The following ITGAM variants were observed in gnomAD, a reference collection of about 807,000 sequenced individuals.
The protein encoded by ITGAM is integrin alpha-M.
A neutral mutation model predicts 137.5 loss-of-function variants in ITGAM; 79 were observed. The ratio of observed to expected loss-of-function variants is 0.57; its 90% CI spans 0.48 to 0.69. The LOEUF is 0.69. ITGAM is among the 30% of genes least tolerant of loss of function. ITGAM has a pLI of 0.00. For missense variants in ITGAM, 1,343 were observed against 1,483.5 expected, an observed-to-expected ratio of 0.91 and a Z score of 1.56; for synonymous variants, 583 against 592.3, an observed-to-expected ratio of 0.98 and a Z score of 0.23.
chr16:31,308,091 A>C (rs997157594), intron 14 of ITGAM, among the ~76,000 whole-genome samples: 1 of 152,044 alleles, frequency 6.6e-6, no homozygotes, highest in African/African-American at 2.4e-5. Flanking sequence ...TTCATCAAGG[A>C]TATTGGTCTA....
intron 12 of ITGAM, among the ~76,000 whole-genome samples, chr16:31,288,016 G>A (rs1037704535): frequency 3.3e-5 from 5 of 152,092 alleles, no homozygotes; most frequent in African/African-American, 1.2e-4. Flanking sequence ...GGAGTTATGA[G>A]AGCAAATGGG....
intron 7 of ITGAM, 47 bp downstream of exon 7, chr16:31,272,039 T>G: frequency 2.5e-6 from 4 of 1,611,102 alleles, no homozygotes; most frequent in Non-Finnish European, 3.4e-6. Flanking sequence ...GGAGACACTT[T>G]TAGCTGGGCT....
intron 12 of ITGAM, among the ~76,000 whole-genome samples, chr16:31,296,629 A>G (rs2080137346): frequency 6.6e-6 from 1 of 152,090 alleles, no homozygotes; most frequent in South Asian, 2.1e-4. Context: ...TCCCCTGCAC[A>G]TTCCCTTTCT....
intron 21 of ITGAM, among the ~76,000 whole-genome samples, chr16:31,326,548 C>T (rs914045827): frequency 6.6e-6 from 1 of 152,138 alleles, no homozygotes; most frequent in Non-Finnish European, 1.5e-5. Context: ...TCCCAAGTAG[C>T]TGGGGTTACA....
intron 5 of ITGAM, among the ~76,000 whole-genome samples, chr16:31,267,922 G>A (rs897783951): frequency 6.6e-6 from 1 of 152,152 alleles, no homozygotes; most frequent in African/African-American, 2.4e-5. Flanking sequence ...GGGATCACAG[G>A]TGTGAGCCAC....
chr16:31,299,872 C>CT (rs2080180653), intron 14 of ITGAM, among the ~76,000 whole-genome samples: 1 of 140,906 alleles, frequency 7.1e-6, no homozygotes, highest in African/African-American at 2.6e-5. Flanking sequence ...CCTCCTTCTT[C>CT]TTTTTTGACA....
intron 14 of ITGAM, among the ~76,000 whole-genome samples, chr16:31,308,581 C>T (rs1170145838): frequency 6.0e-5 from 9 of 150,596 alleles, no homozygotes; most frequent in South Asian, 2.1e-4. Context: ...ATCAATTTTG[C>T]TGATCTTTTC....
chr16:31,328,839 T>C (rs964688558), intron 23 of ITGAM, among the ~76,000 whole-genome samples: 24 of 151,640 alleles, frequency 1.6e-4, no homozygotes, highest in Non-Finnish European at 3.4e-4. Context: ...CATGGGTGTG[T>C]ATTTGTGCAT....
At chr16:31,313,638 T>C (rs1160708792) in intron 14 of ITGAM, among the ~76,000 whole-genome samples, 1 of 152,194 alleles carries the variant, frequency 6.6e-6, no homozygotes, top group Non-Finnish European at 1.5e-5. Flanking sequence ...TTGATGGGCA[T>C]TTAGGTTGGT....
chr16:31,331,373 G>C (rs958804740), intron 29 of ITGAM, 98 bp downstream of exon 29: 1 of 776,750 alleles, frequency 1.3e-6, no homozygotes, highest in African/African-American at 1.7e-5. Context: ...CCAGCTGTGT[G>C]ACTGGGGCGA....
chr16:31,330,748 G>GA, intron 28 of ITGAM, 143 bp downstream of exon 28: 1 of 639,554 alleles, frequency 1.6e-6, no homozygotes, highest in Non-Finnish European at 2.7e-6. Context: ...AGAGACGTAA[G>GA]GAGAGAGACA....
Position 31,261,804 on chromosome 16 carries a change from C to T in ITGAM, c.134+7C>T. On this transcript the variant is annotated splice_region_variant and intron_variant, in intron 2 of 29. Transcript: ENST00000544665. ...TCCAGCTTCAGGGATCCAGGTGAGACCCTTAGATGGAGCCCCCTTTCTCAG... is the reference window on the plus strand; with the variant it reads ...TCCAGCTTCAGGGATCCAGGTGAGATCCTTAGATGGAGCCCCCTTTCTCAG... 6.3e-7 allele frequency: 1 copy of T among 1,588,106 alleles called. No individual in the cohort carries two copies. The highest frequency in any genetic ancestry group is 8.6e-7 in the Non-Finnish European group (1 of 1,158,136).
At chr16:31,286,070 G>A (rs1169947876) in intron 12 of ITGAM, among the ~76,000 whole-genome samples, 1 of 151,984 alleles carries the variant, frequency 6.6e-6, no homozygotes. Context: ...CCAGTGTTTA[G>A]CTCCCACTTA....
intron 2 of ITGAM, among the ~76,000 whole-genome samples, chr16:31,264,101 G>T (rs920693139): frequency 1.3e-4 from 20 of 152,062 alleles, no homozygotes; most frequent in East Asian, 5.9e-4. Context: ...CTCCCAAAGT[G>T]CAGGGATTAC....
Position 31,261,808 on chromosome 16 carries a change from T to C in ITGAM, c.134+11T>C, listed in dbSNP as rs3764327. 0.68 allele frequency: 1,082,731 copies of C among 1,583,670 alleles called. 373,307 individuals are homozygous for C. The highest frequency in any genetic ancestry group is 0.82 in the Middle Eastern group (4,927 of 6,010). On this transcript the variant is annotated intron_variant, in intron 2 of 29. Transcript: ENST00000544665. ...GCTTCAGGGATCCAGGTGAGACCCT[T>C]AGATGGAGCCCCCTTTCTCAGTGCT...
chr16:31,274,513 T>A (rs1333349694), intron 8 of ITGAM, among the ~76,000 whole-genome samples: 3 of 152,228 alleles, frequency 2.0e-5, no homozygotes, highest in Non-Finnish European at 4.4e-5. Context: ...TCTCTTCTAG[T>A]CACAGAGCTG....
chr16:31,261,198 CTT>C (rs1017498448), intron 1 of ITGAM, among the ~76,000 whole-genome samples: 34 of 123,214 alleles, frequency 2.8e-4, no homozygotes, highest in African/African-American at 2.9e-4. Flanking sequence ...ATGCTGCTAT[CTT>C]TTTTTTTTTT....
intron 21 of ITGAM, among the ~76,000 whole-genome samples, chr16:31,326,174 A>C (rs2080506450): frequency 6.6e-6 from 1 of 152,114 alleles, no homozygotes; most frequent in Non-Finnish European, 1.5e-5. Flanking sequence ...GAACATCTTC[A>C]TTACCTCACA....
At position 31,325,303 on chromosome 16, in the gene ITGAM, G is replaced by C. The variant is rs1000524164; in HGVS notation, c.2404G>C (p.Val802Leu). 2.5e-6 allele frequency: 4 copies of C among 1,613,738 alleles called. No homozygotes were observed. In the African/African-American group the frequency reaches 4.0e-5, roughly 16 times the overall value. ...GGTGGGTGGGCCCCGGGAGTTCAAC[G>C]TGACAGTGACTGTGAGAAATGATGG... ...LVVGGPREFN[V>L]TVTVRNDGED... Residue 802 changes from valine (V) to leucine (L), a missense_variant, in exon 20 of 30, where the codon GTG becomes CTG. By Grantham distance (32) the Val-to-Leu change is conservative (BLOSUM62 1). Coordinates refer to ENST00000544665, the MANE Select transcript of ITGAM (RefSeq NM_000632.4).
Sources: allele counts gnomAD v4.1 joint callset (sites outside exome capture counted in the v4.1 genomes callset), GRCh38; gene constraint gnomAD v4.1.1; transcripts MANE v1.5; gene names NCBI Gene and HGNC (gene_info 2026-07-23, HGNC 2026-07-21).